Variants in TSHR observed in about 807,000 individuals in gnomAD.
The protein encoded by TSHR is thyroid stimulating hormone receptor.
Under a neutral mutation model 64.1 loss-of-function variants are expected in TSHR, and 51 were observed. The observed-to-expected ratio is 0.80, with a 90% CI of 0.64 to 1.01. The LOEUF (loss-of-function observed/expected upper bound fraction) is 1.01. TSHR is among the 50% of genes least tolerant of loss of function. The pLI is 0.00. For missense variants in TSHR, 877 were observed against 942.8 expected (o/e 0.93, Z 0.91); for synonymous variants, 361 against 361.9 (o/e 1.00, Z 0.03).
intron 1 of TSHR, among the ~76,000 whole-genome samples, chr14:80,997,362 CCTAT>C (rs1889077220): frequency 6.6e-6 from 1 of 152,184 alleles, no homozygotes; most frequent in African/African-American, 2.4e-5. Flanking sequence ...TTCACCCCTC[CCTAT>C]CTCTCTTTAC....
intron 9 of TSHR, among the ~76,000 whole-genome samples, chr14:81,141,176 G>A (rs972456695): frequency 6.6e-6 from 1 of 152,122 alleles, no homozygotes; most frequent in Admixed American, 6.5e-5. Context: ...GGCCAATATG[G>A]GCATCATAGC....
At chr14:81,072,547 G>A (rs925782479) in intron 3 of TSHR, among the ~76,000 whole-genome samples, 5 of 151,986 alleles carry the variant, frequency 3.3e-5, no homozygotes, top group Admixed American at 1.3e-4. Flanking sequence ...ACAAAAAAGC[G>A]AGAAATTGGA....
chr14:81,024,237 G>GT (rs1883925014), intron 1 of TSHR, among the ~76,000 whole-genome samples: 1 of 148,538 alleles, frequency 6.7e-6, no homozygotes, highest in East Asian at 2.2e-4. Flanking sequence ...ATTTAGGCAT[G>GT]GTTTTTTTTT....
At chr14:80,982,293 A>G in intron 1 of TSHR, 3 of 918,290 alleles carry the variant, frequency 3.3e-6, no homozygotes, top group East Asian at 5.7e-5. Flanking sequence ...CCACATGTAA[A>G]AATGGGGCTG....
chr14:80,973,403 CAAAAAA>C (rs58316010), intron 1 of TSHR, among the ~76,000 whole-genome samples: 20 of 51,452 alleles, frequency 3.9e-4, no homozygotes, highest in South Asian at 3.6e-3. Context: ...GACGCTGTCT[CAAAAAA>C]AAAAAAAAAA....
chr14:81,137,508 A>G (rs902884926), intron 8 of TSHR, among the ~76,000 whole-genome samples: 1 of 152,052 alleles, frequency 6.6e-6, no homozygotes, highest in African/African-American at 2.4e-5. Flanking sequence ...TCTTTGAGTC[A>G]CCTCAGCCCT....
At chr14:81,061,417 G>A (rs1267709290) in intron 1 of TSHR, among the ~76,000 whole-genome samples, 1 of 152,038 alleles carries the variant, frequency 6.6e-6, no homozygotes, top group African/African-American at 2.4e-5. Context: ...TGACAGATTG[G>A]ATAAAGAAAA....
chr14:81,129,596 A>T (rs1891155337), intron 8 of TSHR, among the ~76,000 whole-genome samples: 1 of 152,176 alleles, frequency 6.6e-6, no homozygotes, highest in South Asian at 2.1e-4. Flanking sequence ...CTGTTGGATG[A>T]CCATGTCCTA....
intron 1 of TSHR, among the ~76,000 whole-genome samples, chr14:81,037,960 T>C (rs2139838045): frequency 6.6e-6 from 1 of 151,416 alleles, no homozygotes; most frequent in South Asian, 2.1e-4. Flanking sequence ...GGATTTATAC[T>C]GCACTCTAGA....
chr14:81,121,506 T>C (rs575838725), intron 8 of TSHR, among the ~76,000 whole-genome samples: 2 of 152,294 alleles, frequency 1.3e-5, no homozygotes, highest in African/African-American at 2.4e-5. Flanking sequence ...AATGAGGACT[T>C]TGTTAAAACA....
At position 81,008,801 on chromosome 14, in the gene TSHR, C is replaced by G. The variant is rs150791056; in HGVS notation, c.170+52951C>G. Among the ~76,000 whole-genome samples, 117 of 152,198 alleles carry G rather than the reference C, an allele frequency of 7.7e-4. No homozygotes were observed. The East Asian group carries it at 0.018, about 24-fold the overall frequency. Reference sequence around the variant, plus strand: ...CTGTAAGAATAATGGAAATTTTTCTCTTTAAATAACCCGAACATTAATTTG... The same window carrying G: ...CTGTAAGAATAATGGAAATTTTTCTGTTTAAATAACCCGAACATTAATTTG... On this transcript the variant is annotated intron_variant, in intron 1 of 9. Coordinates refer to ENST00000298171, the MANE Select transcript of TSHR (RefSeq NM_000369.5).
chr14:81,134,509 A>C (rs1335684216), intron 8 of TSHR, among the ~76,000 whole-genome samples: 1 of 152,214 alleles, frequency 6.6e-6, no homozygotes, highest in African/African-American at 2.4e-5. Flanking sequence ...TTTAACAAGT[A>C]TGTGTTTAGA....
At chr14:81,115,953 T>G (rs1404687307) in intron 8 of TSHR, among the ~76,000 whole-genome samples, 1 of 151,872 alleles carries the variant, frequency 6.6e-6, no homozygotes, top group Non-Finnish European at 1.5e-5. Flanking sequence ...GAAGGAGAAA[T>G]AAAATGCTTT....
intron 6 of TSHR, among the ~76,000 whole-genome samples, chr14:81,094,636 A>C (rs1889005741): frequency 6.6e-6 from 1 of 150,750 alleles, no homozygotes; most frequent in Non-Finnish European, 1.5e-5. Flanking sequence ...ATATAGGATA[A>C]ATCCAAGTTT....
rs1247374916 is a variant in TSHR at position 81,091,163 on chromosome 14, A to G, written c.467+20A>G. ...TATACTGTAAGTATGCACACATGCCATGTTTGACAATATTTTGTTTGTCAC... is the reference window on the plus strand; with the variant it reads ...TATACTGTAAGTATGCACACATGCCGTGTTTGACAATATTTTGTTTGTCAC... On this transcript the variant is annotated intron_variant, in intron 5 of 9. Coordinates refer to ENST00000298171, the MANE Select transcript of TSHR (RefSeq NM_000369.5). 1.3e-6 allele frequency: 2 copies of G among 1,597,626 alleles called. No homozygotes were observed. The highest frequency in any genetic ancestry group is 1.7e-5 in the Admixed American group (1 of 59,972).
At chr14:80,964,185 G>A (rs1052978211) in intron 1 of TSHR, among the ~76,000 whole-genome samples, 5 of 152,148 alleles carry the variant, frequency 3.3e-5, no homozygotes, top group Non-Finnish European at 5.9e-5. Context: ...GGCTAACACG[G>A]TGAAACCCAG....
At chr14:81,016,412 T>C (rs72689910) in intron 1 of TSHR, among the ~76,000 whole-genome samples, 15,872 of 152,250 alleles carry the variant, frequency 0.1, 1,039 homozygotes, top group East Asian at 0.32. Flanking sequence ...GCTATTTGTA[T>C]TTCTGTATGT....
intron 1 of TSHR, among the ~76,000 whole-genome samples, chr14:81,059,925 G>T (rs1403919945): frequency 6.6e-6 from 1 of 152,078 alleles, no homozygotes; most frequent in Non-Finnish European, 1.5e-5. Flanking sequence ...TCAAGAAACA[G>T]GTGTTATATA....
intron 8 of TSHR, among the ~76,000 whole-genome samples, chr14:81,113,290 A>G (rs902130590): frequency 6.6e-6 from 1 of 152,228 alleles, no homozygotes; most frequent in African/African-American, 2.4e-5. Context: ...ATGATGAGAG[A>G]AACGAAGGAA....
Sources: allele counts gnomAD v4.1 joint callset (sites outside exome capture counted in the v4.1 genomes callset), GRCh38; gene constraint gnomAD v4.1.1; transcripts MANE v1.5; gene names NCBI Gene and HGNC (gene_info 2026-07-23, HGNC 2026-07-21).